NFIX: variants seen among roughly 807,000 people sequenced by gnomAD.
NFIX encodes nuclear factor I X, also known as nuclear factor 1 X-type.
Under a neutral mutation model 53.3 loss-of-function variants are expected in NFIX, and 2 were observed. That is an observed-to-expected ratio of 0.04 (90% CI 0.02 to 0.12). The LOEUF is 0.12. NFIX is among the 10% of genes least tolerant of loss of function. The pLI, the probability that NFIX is intolerant of heterozygous loss-of-function variation, is 1.00. For missense variants in NFIX, 310 were observed against 674.5 expected, an observed-to-expected ratio of 0.46 and a Z score of 5.99; for synonymous variants, 244 against 289.0, an observed-to-expected ratio of 0.84 and a Z score of 1.58.
rs1012045310 is a variant in NFIX, at chr19:13,052,055, G to C, written c.560-20992G>C. 6.6e-6 allele frequency among the ~76,000 whole-genome samples: 1 copy of C among 152,152 alleles called. No homozygotes were observed. The highest frequency in any genetic ancestry group is 1.5e-5 in the Non-Finnish European group (1 of 68,038). On this transcript the variant is annotated intron_variant, in intron 2 of 10. Transcript: ENST00000592199. The surrounding 1 kb of genome is among the most constrained non-coding windows in gnomAD (Gnocchi z 5.2). ...CTGTCTTTCCTTTGCTGTCCACTCT[G>C]CTTGCAGGATTTGGGACCAAACGCC...
chr19:13,059,249 C>T (rs2015905211), intron 2 of NFIX, among the ~76,000 whole-genome samples: 1 of 152,232 alleles, frequency 6.6e-6, no homozygotes, highest in Admixed American at 6.5e-5. Flanking sequence ...TTCAGTCTCC[C>T]TGTAATTCCA....
Position 13,012,798 on chromosome 19 carries a change from G to T in NFIX, c.28-12223G>T, listed in dbSNP as rs2012434832. Among the ~76,000 whole-genome samples the T allele has an allele frequency of 6.6e-6, 1 of 152,192 alleles. No individual in the cohort carries two copies. Among genetic ancestry groups the T allele is most frequent in the Admixed American group, 6.5e-5 (1 of 15,286 alleles). The stretch of plus-strand genomic sequence containing the variant: ...CAGCTTGGGGGCGTCCCTTCGGAGA[G>T]GATCTCTCCGCGTCGCATAGTGAGC... On this transcript the variant is annotated intron_variant, in intron 1 of 10. Coordinates refer to ENST00000592199, the MANE Select transcript of NFIX (RefSeq NM_001365902.3). This position sits in a 1 kb window ranked among gnomAD's most constrained non-coding sequence, Gnocchi z 5.0.
Position 12,998,875 on chromosome 19 carries a change from G to A in NFIX, c.27+3011G>A, listed in dbSNP as rs975749972. Among the ~76,000 whole-genome samples the A allele has an allele frequency of 1.3e-5, 2 of 152,134 alleles. No homozygotes were observed. The highest frequency in any genetic ancestry group is 2.9e-5 in the Non-Finnish European group (2 of 68,040). On this transcript the variant is annotated intron_variant, in intron 1 of 10. Coordinates refer to ENST00000592199, the MANE Select transcript of NFIX (RefSeq NM_001365902.3). The surrounding 1 kb of genome is among the most constrained non-coding windows in gnomAD (Gnocchi z 4.4). ...ACACAGCAGTACCTCTTTGACGCAC[G>A]TATGGACACAGGAAACTGTGGACTT...
At chr19:13,016,654 G>GTT (rs200460597) in intron 1 of NFIX, among the ~76,000 whole-genome samples, 24 of 131,914 alleles carry the variant, frequency 1.8e-4, no homozygotes, top group Non-Finnish European at 2.8e-4. Flanking sequence ...TTGGGTTTGA[G>GTT]TTTTTTTTTT....
At chr19:13,026,051 T>A (rs1684241380) in intron 2 of NFIX, among the ~76,000 whole-genome samples, 4 of 152,100 alleles carry the variant, frequency 2.6e-5, no homozygotes, top group Admixed American at 2.0e-4. Context: ...AGAAGGGGCA[T>A]GTGAAACCCT....
At position 13,005,971 on chromosome 19, in the gene NFIX, G is replaced by T. The variant is rs1568254257; in HGVS notation, c.27+10107G>T. ...GAGCTCAAATGCTGGGGGTGCAGCCGGGAGCCTGTGCATTCCTTCGACAAA... is the reference window on the plus strand; with the variant it reads ...GAGCTCAAATGCTGGGGGTGCAGCCTGGAGCCTGTGCATTCCTTCGACAAA... On this transcript the variant is annotated intron_variant, in intron 1 of 10. Transcript: ENST00000592199. The surrounding 1 kb of genome is among the most constrained non-coding windows in gnomAD (Gnocchi z 4.7). Among the ~76,000 whole-genome samples the T allele has an allele frequency of 6.6e-6, 1 of 152,194 alleles. No homozygotes were observed. The highest frequency in any genetic ancestry group is 2.4e-5 in the African/African-American group (1 of 41,430).
chr19:13,087,649 G>A (rs1244176807), intron 8 of NFIX, among the ~76,000 whole-genome samples: 1 of 151,972 alleles, frequency 6.6e-6, no homozygotes, highest in Non-Finnish European at 1.5e-5. Flanking sequence ...GAGTGTGAGA[G>A]TTCTAGGTAC....
At chr19:12,999,506 ACACAC>A (rs2011598399) in intron 1 of NFIX, among the ~76,000 whole-genome samples, 3 of 150,932 alleles carry the variant, frequency 2.0e-5, no homozygotes, top group African/African-American at 7.4e-5. Context: ...ACACACACAC[ACACAC>A]ACACAAATAT....
rs956696797 is a variant in NFIX, at chr19:13,006,640, C to G, written c.27+10776C>G. ...GTTTATTTTTACCCCAGCCTGTCAC[C>G]CTGGCAGTACCAGGCTGCGCCATCT... On this transcript the variant is annotated intron_variant, in intron 1 of 10. Coordinates refer to ENST00000592199, the MANE Select transcript of NFIX (RefSeq NM_001365902.3). The surrounding 1 kb of genome is among the most constrained non-coding windows in gnomAD (Gnocchi z 5.6). Among the ~76,000 whole-genome samples the G allele has an allele frequency of 4.6e-5, 7 of 152,142 alleles. No individual in the cohort carries two copies. The highest frequency in any genetic ancestry group is 1.7e-4 in the African/African-American group (7 of 41,426).
intron 2 of NFIX, among the ~76,000 whole-genome samples, chr19:13,064,464 C>G (rs368530794): frequency 3.3e-5 from 5 of 152,242 alleles, no homozygotes; most frequent in East Asian, 1.9e-4. Context: ...CTCTCTCCCC[C>G]ACCCCTGTTT....
chr19:13,075,068 TAAAAAAA>T (rs57860606), intron 5 of NFIX, among the ~76,000 whole-genome samples: 1 of 73,686 alleles, frequency 1.4e-5, no homozygotes, highest in Non-Finnish European at 2.3e-5. Context: ...AGACTCCATC[TAAAAAAA>T]AAAAAAAAAA....
chr19:13,018,340 G>GGC (rs1243695489), intron 1 of NFIX, among the ~76,000 whole-genome samples: 1 of 113,566 alleles, frequency 8.8e-6, no homozygotes, highest in Non-Finnish European at 2.0e-5. Flanking sequence ...AGGGGCGGGG[G>GGC]GGGGGGGGGG....
At chr19:13,044,630 A>G (rs2014865889) in intron 2 of NFIX, among the ~76,000 whole-genome samples, 1 of 152,122 alleles carries the variant, frequency 6.6e-6, no homozygotes, top group Non-Finnish European at 1.5e-5. Context: ...TGTGGCTTGT[A>G]GCTTCTGAGT....
Position 13,022,537 on chromosome 19 carries a change from C to T in NFIX, c.28-2484C>T, listed in dbSNP as rs1018648081. On this transcript the variant is annotated intron_variant, in intron 1 of 10. Transcript: ENST00000592199. This position sits in a 1 kb window ranked among gnomAD's most constrained non-coding sequence, Gnocchi z 4.5. Reference sequence around the variant, plus strand: ...ATTTCTATTCATAGCACCGCAGGCCCGTGTGTATGTGGCCGGGGAGGAAAA... The same window carrying T: ...ATTTCTATTCATAGCACCGCAGGCCTGTGTGTATGTGGCCGGGGAGGAAAA... Among the ~76,000 whole-genome samples, 5 of 151,714 alleles carry T rather than the reference C, an allele frequency of 3.3e-5. No individual in the cohort carries two copies. The highest frequency in any genetic ancestry group is 6.6e-5 in the Admixed American group (1 of 15,260).
intron 2 of NFIX, among the ~76,000 whole-genome samples, chr19:13,065,213 G>T (rs572556553): frequency 1.0e-3 from 157 of 152,294 alleles, no homozygotes; most frequent in Non-Finnish European, 1.9e-3. Context: ...GTGGACACAG[G>T]CTCCAGACCA....
intron 2 of NFIX, among the ~76,000 whole-genome samples, chr19:13,056,295 G>GT (rs2015689008): frequency 6.6e-6 from 1 of 152,196 alleles, no homozygotes; most frequent in South Asian, 2.1e-4. Context: ...GAGCTTGAGG[G>GT]TCAGGCTTGG....
In NFIX at chr19:13,051,910, C is replaced by T. The variant is rs1205943805; in HGVS notation, c.560-21137C>T. Among the ~76,000 whole-genome samples, 1 of 152,194 alleles carries T rather than the reference C, an allele frequency of 6.6e-6. No individual in the cohort carries two copies. The highest frequency in any genetic ancestry group is 6.5e-5 in the Admixed American group (1 of 15,286). On this transcript the variant is annotated intron_variant, in intron 2 of 10. Coordinates refer to ENST00000592199, the MANE Select transcript of NFIX (RefSeq NM_001365902.3). This position sits in a 1 kb window ranked among gnomAD's most constrained non-coding sequence, Gnocchi z 5.1. ...GCTGCGGGAAGGCACTTCTTAGGCG[C>T]CGCCTCCTCCTCACAGCGCCCGCCT...
At chr19:13,055,877 C>T (rs1297313183) in intron 2 of NFIX, among the ~76,000 whole-genome samples, 3 of 152,188 alleles carry the variant, frequency 2.0e-5, no homozygotes, top group African/African-American at 7.2e-5. Flanking sequence ...CTCGCGCCTC[C>T]CTGGCCAGGG....
In NFIX at chr19:13,022,960, C is replaced by T. The variant is rs1326772990; in HGVS notation, c.28-2061C>T. The stretch of plus-strand genomic sequence containing the variant: ...CAAATTGTTTTTGGTCTCCAACTGC[C>T]GGGGGCTCTCCCCACCCTCCCTGCT... On this transcript the variant is annotated intron_variant, in intron 1 of 10. Coordinates refer to ENST00000592199, the MANE Select transcript of NFIX (RefSeq NM_001365902.3). The surrounding 1 kb of genome is among the most constrained non-coding windows in gnomAD (Gnocchi z 4.5). 6.6e-6 allele frequency among the ~76,000 whole-genome samples: 1 copy of T among 152,068 alleles called. No individual in the cohort carries two copies. The highest frequency in any genetic ancestry group is 2.4e-5 in the African/African-American group (1 of 41,402).
Sources: gnomAD v4.1 joint callset for allele counts (sites outside exome capture counted in the v4.1 genomes callset) on GRCh38, gnomAD v4.1.1 for gene constraint, Gnocchi (gnomAD v3.1) non-coding constraint, MANE v1.5 for transcripts, NCBI Gene and HGNC (gene_info 2026-07-23, HGNC 2026-07-21) for gene names.